MASP2: variants seen among roughly 807,000 people sequenced by gnomAD.
The protein encoded by MASP2 is MBL associated serine protease 2.
MASP2 carries 49 observed loss-of-function variants against 57.1 expected under a neutral mutation model. The ratio of observed to expected loss-of-function variants is 0.86; its 90% CI spans 0.68 to 1.09. The LOEUF (loss-of-function observed/expected upper bound fraction) is 1.09. Among genes scored for constraint, MASP2 ranks in the 50% least tolerant of loss-of-function variants. The pLI is 0.00. For missense variants in MASP2, 900 were observed against 874.8 expected (o/e 1.03, Z -0.36); for synonymous variants, 379 against 340.8 (o/e 1.11, Z -1.24).
intron 8 of MASP2, among the ~76,000 whole-genome samples, chr1:11,031,313 G>A (rs1387974941): frequency 6.6e-6 from 1 of 151,850 alleles, no homozygotes; most frequent in Non-Finnish European, 1.5e-5. Flanking sequence ...CACAAGGTCA[G>A]GAGATGGAGA....
chr1:11,046,967 G>T lies in MASP2; in HGVS notation c.158C>A (p.Pro53His). The T allele has an allele frequency of 6.4e-7, 1 of 1,563,280 alleles. No individual in the cohort carries two copies. Among genetic ancestry groups the T allele is most frequent in the East Asian group, 2.4e-5 (1 of 42,058 alleles). ...GAAGTAGAGGCGCAGGCGGTAGCCG[G>T]GGGGTGCAGTCAGGGTCCAGCGCCG... The part of the protein sequence containing the change: ...QERRWTLTAP[P>H]GYRLRLYFTH... The change falls in exon 2 of 11, where the codon CCC (proline) becomes CAC (histidine). Residue 53 changes from proline (P) to histidine (H), a missense_variant. Pro to His is a moderately conservative substitution (Grantham distance 77). Coordinates refer to ENST00000400897, the MANE Select transcript of MASP2 (RefSeq NM_006610.4).
Position 11,030,793 on chromosome 1 carries a change from G to GA in MASP2, c.1176dup (p.Gln393SerfsTer5). ...TAGAAGGTCTCTTCACAGCTGTACT[G>GA]AATCACAGCTTTGTAGGTGGTCACT... On this transcript the variant is annotated frameshift_variant, in exon 9 of 11. Transcript: ENST00000400897. LOFTEE classifies it high-confidence loss of function. 1 of 1,613,658 alleles carries GA rather than the reference G, an allele frequency of 6.2e-7. No homozygotes were observed. The highest frequency in any genetic ancestry group is 8.5e-7 in the Non-Finnish European group (1 of 1,179,670).
At position 11,037,697 on chromosome 1, in the gene MASP2, A is replaced by G. The variant is rs763553281; in HGVS notation, c.1004T>C (p.Leu335Pro). 1.6e-5 allele frequency: 25 copies of G among 1,602,150 alleles called. No homozygotes were observed. Among genetic ancestry groups the G allele is most frequent in the Non-Finnish European group, 2.1e-5 (25 of 1,174,088 alleles). Residue 335 changes from leucine to proline, a missense_variant, in exon 7 of 11, where the codon CTG becomes CCG. Leu to Pro is a moderately conservative substitution (Grantham distance 98). Transcript: ENST00000400897. Reference protein sequence around the residue: ...SIFCETGYELLQGHLPLKSFT... With the variant: ...SIFCETGYELPQGHLPLKSFT... ...GTGTACTTTGTTTTAACTCACTTGCAGAAGCTCATAGCCAGTCTCGCAAAA... is the reference window on the plus strand; with the variant it reads ...GTGTACTTTGTTTTAACTCACTTGCGGAAGCTCATAGCCAGTCTCGCAAAA...
rs772566888 is a variant in MASP2, at chr1:11,045,475, G to A, written c.477C>T (p.His159=). The change falls in exon 4 of 11, where the codon CAC becomes CAT. Residue 159 remains histidine, a synonymous_variant. Coordinates refer to ENST00000400897, the MANE Select transcript of MASP2 (RefSeq NM_006610.4). The part of the protein sequence containing the change: ...APTCDHHCHN[H]LGGFYCSCRA... ...GGCAGGAGCAGTAGAAACCGCCCAG[G>A]TGGTTGTGGCAGTGGTGGTCGCAGG... The A allele has an allele frequency of 1.9e-6, 3 of 1,612,938 alleles. No homozygotes were observed. The highest frequency in any genetic ancestry group is 2.5e-6 in the Non-Finnish European group (3 of 1,179,978).
intron 4 of MASP2, chr1:11,044,704 A>G (rs893617711): frequency 1.9e-5 from 23 of 1,192,006 alleles, no homozygotes; most frequent in Non-Finnish European, 2.6e-5. Context: ...GCTCCCACAG[A>G]CCTGGGGTTC....
intron 10 of MASP2, among the ~76,000 whole-genome samples, chr1:11,028,565 C>T (rs1171918769): frequency 6.6e-6 from 1 of 152,034 alleles, no homozygotes; most frequent in Non-Finnish European, 1.5e-5. Flanking sequence ...ATTAATGTAG[C>T]ATATATGTTT....
intron 4 of MASP2, among the ~76,000 whole-genome samples, 191 bp from the exon 5 acceptor site, chr1:11,043,726 C>G (rs370819108): frequency 1.3e-5 from 2 of 152,060 alleles, no homozygotes; most frequent in African/African-American, 2.4e-5. Context: ...ACGACCCACC[C>G]GATGGCTGAG....
At position 11,033,329 on chromosome 1, in the gene MASP2, C is replaced by CA. The variant is rs1224565421; in HGVS notation, c.1087+1498dup. Among the ~76,000 whole-genome samples the CA allele has an allele frequency of 4.2e-3, 538 of 127,948 alleles. 4 individuals carry two copies. The highest frequency in any genetic ancestry group is 0.028 in the Middle Eastern group (5 of 180). The allele number at this position is 127,948 out of a possible 152,430, so 83.9% of individuals were successfully genotyped here. A position where few individuals can be genotyped will look rare whatever the true frequency, so the allele number is the denominator to read the frequency against. On this transcript the variant is annotated intron_variant, in intron 8 of 10. Transcript: ENST00000400897. ...GGCAACAAGAACAAAACTGCGTCTC[C>CA]AAAAAAAAAAAGAAAAAGAAAAAAA...
At chr1:11,044,832 T>A in intron 4 of MASP2, 2 of 1,400,408 alleles carry the variant, frequency 1.4e-6, no homozygotes, top group Non-Finnish European at 1.9e-6. Context: ...GGGTCCATGG[T>A]GGGTGAATGG....
intron 4 of MASP2, chr1:11,044,974 G>A: frequency 6.2e-7 from 1 of 1,610,070 alleles, no homozygotes; most frequent in African/African-American, 1.3e-5. Flanking sequence ...GATCAGAGAG[G>A]CAAGGAGAGA....
intron 4 of MASP2, chr1:11,045,006 T>G: frequency 1.9e-6 from 3 of 1,564,664 alleles, no homozygotes; most frequent in Non-Finnish European, 2.6e-6. Flanking sequence ...AGAAACCGAG[T>G]CGGGGGAGGC....
Position 11,045,443 on chromosome 1 carries a change from C to T in MASP2, c.509G>A (p.Gly170Asp), listed in dbSNP as rs929769295. The T allele has an allele frequency of 1.2e-6, 2 of 1,613,154 alleles. No homozygotes were observed. The highest frequency in any genetic ancestry group is 2.7e-5 in the African/African-American group (2 of 74,920). ...LGGFYCSCRA[G>D]YVLHRNKRTC... ...GCGCTTGTTACGGTGCAGGACGTAG[C>T]CTGCGCGGCAGGAGCAGTAGAAACC... The change falls in exon 4 of 11, where the codon GGC becomes GAC. Residue 170 changes from glycine (G) to aspartate (D), a missense_variant. By Grantham distance (94) the Gly-to-Asp change is moderately conservative. Coordinates refer to ENST00000400897, the MANE Select transcript of MASP2 (RefSeq NM_006610.4).
chr1:11,045,630 T>A (rs1354637392), intron 3 of MASP2, 91 bp from the exon 4 acceptor site: 1 of 1,413,360 alleles, frequency 7.1e-7, no homozygotes. Flanking sequence ...GACCTCAGAG[T>A]GGACCTCAGA....
rs1355355056 is a variant in MASP2, at chr1:11,027,585, C to A, written c.1361G>T (p.Gly454Val). ...RIYGGQKAKP[G>V]DFPWQVLILG... Reference sequence around the variant, plus strand: ...TATCAGGACTTGCCAAGGAAAATCACCAGGTTTTGCCTTTTGCCCTCCATA... The same window carrying A: ...TATCAGGACTTGCCAAGGAAAATCAACAGGTTTTGCCTTTTGCCCTCCATA... The change falls in exon 11 of 11, where the codon GGT becomes GTT. Residue 454 changes from glycine (G) to valine (V), a missense_variant. By Grantham distance (109) the Gly-to-Val change is moderately radical (BLOSUM62 -3). Coordinates refer to ENST00000400897, the MANE Select transcript of MASP2 (RefSeq NM_006610.4). 6.2e-7 allele frequency: 1 copy of A among 1,614,196 alleles called. No homozygotes were observed. Among genetic ancestry groups the A allele is most frequent in the East Asian group, 2.2e-5 (1 of 44,888 alleles).
intron 5 of MASP2, 116 bp downstream of exon 5, chr1:11,043,223 G>C (rs997341893): frequency 9.5e-7 from 1 of 1,057,284 alleles, no homozygotes; most frequent in African/African-American, 1.6e-5. Context: ...CACCTGAAGA[G>C]GTGGGGGTCA....
At chr1:11,045,121 C>A (rs1035445076) in intron 4 of MASP2, 1 of 749,266 alleles carries the variant, frequency 1.3e-6, no homozygotes, top group Non-Finnish European at 2.3e-6. Context: ...GGCTAGATAC[C>A]CCCGACTCTC....
At position 11,027,027 on chromosome 1, in the gene MASP2, A is replaced by G. The variant is rs556836063; in HGVS notation, c.1919T>C (p.Leu640Pro). ...AAACCACCTCTCTGTTTCACTATCT[A>G]GAAACACCAGTGCCCCTCCGCTGTC... is the stretch of plus-strand genomic sequence containing the variant. ...RGDSGGALVF[L>P]DSETERWFVG... The change falls in exon 11 of 11, where the codon CTA (leucine) becomes CCA (proline). Residue 640 changes from leucine (L) to proline (P), a missense_variant. Physicochemically the swap from Leu to Pro is moderately conservative, Grantham distance 98. Transcript: ENST00000400897. 3 of 1,597,722 alleles carry G rather than the reference A, an allele frequency of 1.9e-6. No individual in the cohort carries two copies. Among genetic ancestry groups the G allele is most frequent in the African/African-American group, 1.3e-5 (1 of 74,488 alleles).
rs1370016686 is a variant in MASP2, at chr1:11,027,422, A to T, written c.1524T>A (p.His508Gln). ...RMGTLKRLSP[H>Q]YTQAWSEAVF... ...CAGCTTCAGACCAGGCTTGTGTATA[A>T]TGAGGTGATAGTCTTTTCAGGGTGC... Residue 508 changes from histidine to glutamine, a missense_variant, in exon 11 of 11, where the codon CAT becomes CAA. Transcript: ENST00000400897. 2 of 1,614,226 alleles carry T rather than the reference A, an allele frequency of 1.2e-6. No homozygotes were observed. The highest frequency in any genetic ancestry group is 1.7e-6 in the Non-Finnish European group (2 of 1,180,038).
chr1:11,034,990 A>G, intron 7 of MASP2, 84 bp from the exon 8 acceptor site: 2 of 886,914 alleles, frequency 2.3e-6, no homozygotes, highest in East Asian at 2.9e-5. Context: ...AGCAGTTCCT[A>G]TTCTAGTGTT....
Sources: gnomAD v4.1 joint callset for allele counts (sites outside exome capture counted in the v4.1 genomes callset) on GRCh38, gnomAD v4.1.1 for gene constraint, MANE v1.5 for transcripts, NCBI Gene and HGNC (gene_info 2026-07-23, HGNC 2026-07-21) for gene names.